GRIK4: variants seen among roughly 807,000 people sequenced by gnomAD.
The protein encoded by GRIK4 is glutamate ionotropic receptor kainate type subunit 4.
A neutral mutation model predicts 104.9 loss-of-function variants in GRIK4; 40 were observed. The ratio of observed to expected loss-of-function variants is 0.38; its 90% CI spans 0.30 to 0.50. The LOEUF is 0.50. GRIK4 is among the 20% of genes least tolerant of loss of function. The pLI, the probability that GRIK4 is intolerant of heterozygous loss-of-function variation, is 0.93. For synonymous variants in GRIK4, 485 were observed against 524.9 expected (o/e 0.92, Z 1.04); for missense variants, 1,047 against 1,308.1 (o/e 0.80, Z 3.08).
At chr11:120,824,924 T>C (rs1388333370) in intron 6 of GRIK4, among the ~76,000 whole-genome samples, 1 of 152,058 alleles carries the variant, frequency 6.6e-6, no homozygotes, top group Non-Finnish European at 1.5e-5. Flanking sequence ...TGTTTTTGTT[T>C]GTTTGTTTGT....
chr11:120,723,496 GAATCAAAGAAGGTCAAGACCCAC>G (rs1950968804), intron 3 of GRIK4, among the ~76,000 whole-genome samples: 1 of 152,180 alleles, frequency 6.6e-6, no homozygotes, highest in African/African-American at 2.4e-5. Flanking sequence ...GCAAATCCCT[GAATCAAAGAAGGTCAAGACCCAC>G]AATTAGGAAA....
chr11:120,727,260 A>G (rs983726925), intron 3 of GRIK4, among the ~76,000 whole-genome samples: 1 of 152,190 alleles, frequency 6.6e-6, no homozygotes, highest in Non-Finnish European at 1.5e-5. Context: ...CAGAGTTCCC[A>G]CTGAAGAGAA....
At chr11:120,529,041 C>T (rs369287957) in intron 1 of GRIK4, among the ~76,000 whole-genome samples, 2 of 152,094 alleles carry the variant, frequency 1.3e-5, no homozygotes, top group African/African-American at 4.8e-5. Context: ...CTCCTTCCAC[C>T]TCCTCTCCTT....
chr11:120,916,504 AAC>A (rs1458129210), intron 13 of GRIK4, among the ~76,000 whole-genome samples: 1 of 152,216 alleles, frequency 6.6e-6, no homozygotes, highest in African/African-American at 2.4e-5. Flanking sequence ...TTATGCACCT[AAC>A]ACAGTGCCTG....
At chr11:120,757,470 G>A (rs537791054) in intron 3 of GRIK4, among the ~76,000 whole-genome samples, 1 of 152,216 alleles carries the variant, frequency 6.6e-6, no homozygotes, top group Non-Finnish European at 1.5e-5. Flanking sequence ...AAGACTTAGA[G>A]TATGGAAAAT....
chr11:120,611,748 C>T (rs1949041119), intron 1 of GRIK4, among the ~76,000 whole-genome samples: 1 of 152,172 alleles, frequency 6.6e-6, no homozygotes, highest in Non-Finnish European at 1.5e-5. Context: ...CCTATAAGCT[C>T]GGTGGGGGCG....
intron 13 of GRIK4, among the ~76,000 whole-genome samples, chr11:120,906,598 TCAAA>T (rs891756275): frequency 3.9e-5 from 6 of 152,304 alleles, no homozygotes; most frequent in African/African-American, 1.4e-4. Context: ...ACCCTTTATA[TCAAA>T]CAAACTTGGA....
At chr11:120,896,641 T>C (rs1942590316) in intron 11 of GRIK4, among the ~76,000 whole-genome samples, 1 of 152,160 alleles carries the variant, frequency 6.6e-6, no homozygotes, top group African/African-American at 2.4e-5. Flanking sequence ...CTCCACCTTC[T>C]CCAGACTGTG....
chr11:120,844,030 G>A (rs972491929), intron 8 of GRIK4, among the ~76,000 whole-genome samples: 3 of 151,972 alleles, frequency 2.0e-5, no homozygotes, highest in African/African-American at 7.3e-5. Flanking sequence ...TCCTCCCCTG[G>A]GTTCGTTTTA....
At chr11:120,799,446 C>G (rs964793904) in intron 3 of GRIK4, among the ~76,000 whole-genome samples, 1 of 152,172 alleles carries the variant, frequency 6.6e-6, no homozygotes, top group African/African-American at 2.4e-5. Context: ...CCCTGGAAGC[C>G]TCATGCACGC....
chr11:120,695,470 G>A lies in GRIK4; in HGVS notation c.82+35070G>A, dbSNP rs535298556. ...AGACAAACTCTGTTTCCATAGAGGA[G>A]TGCCAGAAAGGTTTCTTTGCCCATA... On this transcript the variant is annotated intron_variant, in intron 3 of 20. Coordinates refer to ENST00000527524, the MANE Select transcript of GRIK4 (RefSeq NM_014619.5). Among the ~76,000 whole-genome samples the A allele has an allele frequency of 3.3e-5, 5 of 152,342 alleles. No individual in the cohort carries two copies. In the South Asian group the frequency reaches 8.3e-4, roughly 25 times the overall value.
At chr11:120,969,367 C>T (rs1944436586) in intron 19 of GRIK4, among the ~76,000 whole-genome samples, 2 of 152,044 alleles carry the variant, frequency 1.3e-5, no homozygotes, top group South Asian at 4.1e-4. Flanking sequence ...TAGGTCGACA[C>T]CGTGGGAGGA....
chr11:120,950,730 C>T (rs1943981093), intron 14 of GRIK4, among the ~76,000 whole-genome samples: 1 of 152,170 alleles, frequency 6.6e-6, no homozygotes, highest in African/African-American at 2.4e-5. Flanking sequence ...CTGCCTCTGG[C>T]TCTTAGGATG....
At chr11:120,913,666 A>G (rs913258847) in intron 13 of GRIK4, among the ~76,000 whole-genome samples, 2 of 151,836 alleles carry the variant, frequency 1.3e-5, no homozygotes, top group African/African-American at 4.8e-5. Context: ...TAAGCCTTGG[A>G]CATCAAATAG....
chr11:120,696,690 G>C (rs1293218501), intron 3 of GRIK4, among the ~76,000 whole-genome samples: 1 of 152,102 alleles, frequency 6.6e-6, no homozygotes, highest in African/African-American at 2.4e-5. Flanking sequence ...CCAGGTGAGA[G>C]AGGATGAGGG....
chr11:120,918,535 G>T (rs1352318860), intron 13 of GRIK4, among the ~76,000 whole-genome samples: 1 of 152,216 alleles, frequency 6.6e-6, no homozygotes, highest in Non-Finnish European at 1.5e-5. Context: ...GTGAAACCCA[G>T]CCCTCACTCT....
intron 1 of GRIK4, among the ~76,000 whole-genome samples, chr11:120,519,238 TATCTTA>T (rs1947767296): frequency 6.6e-6 from 1 of 152,240 alleles, no homozygotes; most frequent in Admixed American, 6.5e-5. Context: ...TTCCATATAT[TATCTTA>T]ATCTTCCTAA....
chr11:120,982,167 C>A lies in GRIK4; in HGVS notation c.2457C>A (p.Ala819=), dbSNP rs1944663225. 6.2e-7 allele frequency: 1 copy of A among 1,613,532 alleles called. No homozygotes were observed. Among genetic ancestry groups the A allele is most frequent in the East Asian group, 2.2e-5 (1 of 44,874 alleles). The change falls in exon 20 of 21, where the codon GCC becomes GCA. Residue 819 remains alanine (A), a synonymous_variant. Transcript: ENST00000527524. ...TTCTTATTTGTGGCTTAATCGTGGC[C>A]ATTTTTATGGCTATGTTGGAGTTTT... is the stretch of plus-strand genomic sequence containing the variant. ...FVVLICGLIV[A]IFMAMLEFLW...
intron 13 of GRIK4, among the ~76,000 whole-genome samples, chr11:120,912,302 C>T (rs1211901849): frequency 1.3e-5 from 2 of 152,096 alleles, no homozygotes; most frequent in African/African-American, 4.8e-5. Context: ...TACTTAGAGA[C>T]GTTCAGCAGA....
Sources: allele counts gnomAD v4.1 joint callset (sites outside exome capture counted in the v4.1 genomes callset), GRCh38; gene constraint gnomAD v4.1.1; transcripts MANE v1.5; gene names NCBI Gene and HGNC (gene_info 2026-07-23, HGNC 2026-07-21).